Variants in DCC observed in about 807,000 individuals in gnomAD.
The protein encoded by DCC is DCC netrin 1 receptor.
Under a neutral mutation model 172.5 loss-of-function variants are expected in DCC, and 58 were observed. That is an observed-to-expected ratio of 0.34 (90% confidence interval 0.27 to 0.42). The LOEUF is 0.42. Ranked by LOEUF, DCC falls within the 10% of genes least tolerant of loss-of-function variation. DCC has a pLI of 1.00. For synonymous variants in DCC, 709 were observed against 644.5 expected, an observed-to-expected ratio of 1.10 and a Z score of -1.52; for missense variants, 1,740 against 1,791.0, an observed-to-expected ratio of 0.97 and a Z score of 0.51.
intron 5 of DCC, among the ~76,000 whole-genome samples, chr18:52,956,322 T>C (rs1365653702): frequency 6.6e-6 from 1 of 152,108 alleles, no homozygotes; most frequent in Non-Finnish European, 1.5e-5. Context: ...AGACTGTCTT[T>C]GCTCCATTTT....
chr18:52,743,079 G>T (rs1026376269), intron 1 of DCC, among the ~76,000 whole-genome samples: 2 of 152,100 alleles, frequency 1.3e-5, no homozygotes, highest in Non-Finnish European at 2.9e-5. Context: ...CTTGATAAGA[G>T]ATTTCTAAAA....
At chr18:52,665,376 G>A (rs1240538790) in intron 1 of DCC, among the ~76,000 whole-genome samples, 2 of 152,172 alleles carry the variant, frequency 1.3e-5, no homozygotes, top group African/African-American at 2.4e-5. Context: ...AACACTAATT[G>A]TAAAATAGTT....
chr18:52,436,283 T>C (rs1987792232), intron 1 of DCC, among the ~76,000 whole-genome samples: 1 of 152,246 alleles, frequency 6.6e-6, no homozygotes, highest in African/African-American at 2.4e-5. Context: ...TGCTCCCATG[T>C]TTACGACTTC....
chr18:53,162,732 A>T (rs2054862347), intron 8 of DCC, among the ~76,000 whole-genome samples: 1 of 152,284 alleles, frequency 6.6e-6, no homozygotes, highest in South Asian at 2.1e-4. Flanking sequence ...GTTCTCATGG[A>T]AGCCTTTCTT....
In DCC at chr18:53,535,469, T is replaced by C. The variant is rs1674564143; in HGVS notation, c.*4816T>C. 1 of 152,240 alleles carries C rather than the reference T, an allele frequency of 6.6e-6. No individual in the cohort carries two copies. The highest frequency in any genetic ancestry group is 6.5e-5 in the Admixed American group (1 of 15,290). 9.4% of individuals were successfully genotyped at this position (152,240 alleles called of 1,614,324 possible). ...CTGAAAGCATTTTGCAGATCAGTGC[T>C]ACTCATTCAAAGGGCTTTGCAACTC... On this transcript the variant is annotated 3_prime_UTR_variant, in exon 29 of 29. Coordinates refer to ENST00000442544, the MANE Select transcript of DCC (RefSeq NM_005215.4).
chr18:53,371,404 C>T (rs1422227735), intron 15 of DCC, among the ~76,000 whole-genome samples: 2 of 151,938 alleles, frequency 1.3e-5, no homozygotes, highest in African/African-American at 4.8e-5. Flanking sequence ...AAAATATTAT[C>T]ACTAGTCAAA....
At chr18:52,342,123 G>A (rs947141220) in intron 1 of DCC, among the ~76,000 whole-genome samples, 3 of 152,184 alleles carry the variant, frequency 2.0e-5, no homozygotes, top group South Asian at 2.1e-4. Context: ...TCACTGTCGC[G>A]AGGGATTCAG....
chr18:53,180,946 C>T (rs2055187275), intron 9 of DCC, among the ~76,000 whole-genome samples: 1 of 152,126 alleles, frequency 6.6e-6, no homozygotes, highest in South Asian at 2.1e-4. Context: ...TATTGACTTT[C>T]TCTTCATAGA....
intron 5 of DCC, among the ~76,000 whole-genome samples, chr18:53,049,839 T>C (rs893407813): frequency 6.6e-6 from 1 of 152,070 alleles, no homozygotes; most frequent in Admixed American, 6.6e-5. Flanking sequence ...GACGTATATA[T>C]GAAAGGGAGT....
At chr18:53,277,291 G>A (rs2056816878) in intron 12 of DCC, among the ~76,000 whole-genome samples, 2 of 152,042 alleles carry the variant, frequency 1.3e-5, no homozygotes, top group South Asian at 4.1e-4. Context: ...CCAACATGGT[G>A]AAACCTCATC....
chr18:52,863,367 G>A (rs1285166477), intron 2 of DCC, among the ~76,000 whole-genome samples: 1 of 151,650 alleles, frequency 6.6e-6, no homozygotes, highest in African/African-American at 2.4e-5. Context: ...TTAACTGTCA[G>A]TCATGTACTA....
At chr18:53,433,164 A>G (rs977683991) in intron 21 of DCC, among the ~76,000 whole-genome samples, 1 of 152,124 alleles carries the variant, frequency 6.6e-6, no homozygotes, top group Non-Finnish European at 1.5e-5. Flanking sequence ...ACATTTCTAG[A>G]GTTCCTTTAT....
Position 52,789,972 on chromosome 18 carries a change from C to A in DCC, c.412+37598C>A, listed in dbSNP as rs77337505. ...GAAGGCTACAAAATTTTGACCCTCC[C>A]TTAACTGCTCTCAAGATCAGAGCTT... On this transcript the variant is annotated intron_variant, in intron 2 of 28. Coordinates refer to ENST00000442544, the MANE Select transcript of DCC (RefSeq NM_005215.4). Among the ~76,000 whole-genome samples the A allele has an allele frequency of 6.6e-5, 10 of 152,280 alleles. No individual in the cohort carries two copies. In the East Asian group the frequency reaches 1.9e-3, roughly 29 times the overall value.
In DCC at chr18:52,919,115, G is replaced by T. The variant is rs756114054; in HGVS notation, c.698-4592G>T. On this transcript the variant is annotated intron_variant, in intron 3 of 28. Coordinates refer to ENST00000442544, the MANE Select transcript of DCC (RefSeq NM_005215.4). ...ACTGAGTGCCTCAGTTATTCTCCACGTGACTTTCTGTCTTCCATTTGGCTA... is the reference window on the plus strand; with the variant it reads ...ACTGAGTGCCTCAGTTATTCTCCACTTGACTTTCTGTCTTCCATTTGGCTA... 4.6e-5 allele frequency among the ~76,000 whole-genome samples: 7 copies of T among 152,224 alleles called. No individual in the cohort carries two copies. In the East Asian group the frequency reaches 7.7e-4, roughly 17 times the overall value.
chr18:52,504,750 G>T (rs1144050), intron 1 of DCC, among the ~76,000 whole-genome samples: 32,310 of 151,544 alleles, frequency 0.21, 3,620 homozygotes, highest in Non-Finnish European at 0.23. Flanking sequence ...TTCTTCCTAT[G>T]CTCTACCTTT....
chr18:53,015,362 A>G (rs1021202614), intron 5 of DCC, among the ~76,000 whole-genome samples: 2 of 152,146 alleles, frequency 1.3e-5, no homozygotes, highest in African/African-American at 2.4e-5. Flanking sequence ...AATTTGTATG[A>G]CTCTGATTAA....
chr18:52,484,301 GA>G (rs1159522076), intron 1 of DCC, among the ~76,000 whole-genome samples: 2 of 152,108 alleles, frequency 1.3e-5, no homozygotes, highest in African/African-American at 4.8e-5. Context: ...TCAGGGCAGA[GA>G]GACATTTGCT....
intron 5 of DCC, among the ~76,000 whole-genome samples, chr18:53,061,416 G>A (rs1220709605): frequency 6.6e-6 from 1 of 152,032 alleles, no homozygotes; most frequent in Admixed American, 6.6e-5. Flanking sequence ...TTGATTTCAA[G>A]TTCTAATGGA....
chr18:53,130,816 C>T (rs1382087555), intron 7 of DCC, among the ~76,000 whole-genome samples: 1 of 151,960 alleles, frequency 6.6e-6, no homozygotes, highest in Non-Finnish European at 1.5e-5. Context: ...TTCCATAATC[C>T]TTGATTATGT....
Sources: gnomAD v4.1 joint callset for allele counts (sites outside exome capture counted in the v4.1 genomes callset) on GRCh38, gnomAD v4.1.1 for gene constraint, MANE v1.5 for transcripts, NCBI Gene and HGNC (gene_info 2026-07-23, HGNC 2026-07-21) for gene names.